Variants in ARHGAP24 observed in about 807,000 individuals in gnomAD.
ARHGAP24 encodes the protein rho GTPase-activating protein 24.
In ARHGAP24, 50 loss-of-function variants were observed where a neutral mutation model predicts 76.4. That is an observed-to-expected ratio of 0.65 (90% CI 0.52 to 0.83). ARHGAP24 has a LOEUF of 0.83. ARHGAP24 is among the 40% of genes least tolerant of loss of function. The pLI, the probability that ARHGAP24 is intolerant of heterozygous loss-of-function variation, is 0.00. For missense variants in ARHGAP24, 930 were observed against 914.2 expected, an observed-to-expected ratio of 1.02 and a Z score of -0.22; for synonymous variants, 345 against 323.3, an observed-to-expected ratio of 1.07 and a Z score of -0.72.
chr4:85,943,496 C>T (rs1273404535), intron 5 of ARHGAP24, among the ~76,000 whole-genome samples: 2 of 152,066 alleles, frequency 1.3e-5, no homozygotes, highest in African/African-American at 4.8e-5. Context: ...TTCTGGGATA[C>T]ATGAGCAGAA....
At chr4:85,529,282 C>G (rs1318724457) in intron 1 of ARHGAP24, among the ~76,000 whole-genome samples, 1 of 151,992 alleles carries the variant, frequency 6.6e-6, no homozygotes, top group Non-Finnish European at 1.5e-5. Context: ...TTGTGGCATG[C>G]TACTCCTAAG....
intron 2 of ARHGAP24, among the ~76,000 whole-genome samples, chr4:85,606,556 T>A (rs1256032692): frequency 6.6e-6 from 1 of 152,016 alleles, no homozygotes; most frequent in Non-Finnish European, 1.5e-5. Context: ...AAAGATTTTT[T>A]AAGATCGAAG....
intron 1 of ARHGAP24, among the ~76,000 whole-genome samples, chr4:85,500,880 C>G (rs370738087): frequency 2.6e-4 from 40 of 151,944 alleles, no homozygotes; most frequent in African/African-American, 7.7e-4. Flanking sequence ...TCCCACCCCC[C>G]CACCAACAGG....
chr4:85,660,794 CAAAAAA>C lies in ARHGAP24; in HGVS notation c.181-61073_181-61068del, dbSNP rs34228407. On this transcript the variant is annotated intron_variant, in intron 2 of 9. Coordinates refer to ENST00000395184, the MANE Select transcript of ARHGAP24 (RefSeq NM_001025616.3). ...CTGGTGACAGAGAGAGACTCCGTCTCAAAAAAAAAAAAAAAAAAAAAAATCTGTAGA... is the reference window on the plus strand; with the variant it reads ...CTGGTGACAGAGAGAGACTCCGTCTCAAAAAAAAAAAAAAAAATCTGTAGA... Among the ~76,000 whole-genome samples the C allele has an allele frequency of 1.7e-4, 10 of 59,436 alleles. 1 individual carries two copies. The highest frequency in any genetic ancestry group is 5.6e-4 in the Admixed American group (2 of 3,562). The allele number at this position is 59,436 out of a possible 152,430, so 39.0% of individuals were successfully genotyped here.
chr4:85,993,477 TATA>T (rs1368267908), intron 8 of ARHGAP24, among the ~76,000 whole-genome samples: 1 of 152,154 alleles, frequency 6.6e-6, no homozygotes, highest in African/African-American at 2.4e-5. Flanking sequence ...TATAAATGAA[TATA>T]ATATGTTTTT....
chr4:85,662,674 C>A (rs1326234949), intron 2 of ARHGAP24, among the ~76,000 whole-genome samples: 2 of 151,800 alleles, frequency 1.3e-5, no homozygotes, highest in East Asian at 3.9e-4. Flanking sequence ...GTCTTTAATC[C>A]ATCTTGAATT....
At chr4:85,668,472 G>A (rs1487671182) in intron 2 of ARHGAP24, among the ~76,000 whole-genome samples, 2 of 152,176 alleles carry the variant, frequency 1.3e-5, no homozygotes, top group Non-Finnish European at 2.9e-5. Context: ...TACAAAATTA[G>A]AGTGCATTTT....
chr4:85,943,022 C>T (rs528353266), intron 5 of ARHGAP24, among the ~76,000 whole-genome samples: 1 of 152,116 alleles, frequency 6.6e-6, no homozygotes, highest in Non-Finnish European at 1.5e-5. Flanking sequence ...CTTCTATAAG[C>T]CTCTTTTTAA....
intron 1 of ARHGAP24, among the ~76,000 whole-genome samples, chr4:85,516,613 CTT>C (rs5859978): frequency 6.8e-6 from 1 of 146,070 alleles, no homozygotes; most frequent in Admixed American, 6.8e-5. Flanking sequence ...TGTATTTCAT[CTT>C]TTTTTTTTCT....
intron 4 of ARHGAP24, among the ~76,000 whole-genome samples, chr4:85,940,412 A>G (rs1040846818): frequency 2.0e-5 from 3 of 151,956 alleles, no homozygotes; most frequent in Non-Finnish European, 2.9e-5. Context: ...GTGACTGACA[A>G]TTACAGATGT....
intron 3 of ARHGAP24, among the ~76,000 whole-genome samples, chr4:85,851,010 C>T (rs1201803967): frequency 3.3e-5 from 5 of 152,076 alleles, no homozygotes; most frequent in African/African-American, 1.2e-4. Flanking sequence ...TCCTTGTTAA[C>T]CTTCTGTCTC....
chr4:85,538,436 G>A (rs562523742), intron 1 of ARHGAP24, among the ~76,000 whole-genome samples: 43 of 151,932 alleles, frequency 2.8e-4, no homozygotes, highest in Non-Finnish European at 5.4e-4. Context: ...TGGCAATTTG[G>A]TGGGGTTCAA....
chr4:85,544,018 C>T, intron 1 of ARHGAP24, among the ~76,000 whole-genome samples: 1 of 152,158 alleles, frequency 6.6e-6, no homozygotes, highest in East Asian at 1.9e-4. Flanking sequence ...TTCCTTTACT[C>T]CACCATTCTC....
chr4:85,957,484 A>G (rs1429604781), intron 5 of ARHGAP24, among the ~76,000 whole-genome samples: 2 of 152,212 alleles, frequency 1.3e-5, no homozygotes, highest in Admixed American at 1.3e-4. Context: ...CCATTTTAAC[A>G]TGCCTCTTTT....
chr4:85,800,357 C>A (rs1728524737), intron 3 of ARHGAP24, among the ~76,000 whole-genome samples: 1 of 152,160 alleles, frequency 6.6e-6, no homozygotes, highest in Non-Finnish European at 1.5e-5. Context: ...TCCTCCAGCT[C>A]TTTGCTCTTG....
At chr4:85,668,600 T>A (rs78220055) in intron 2 of ARHGAP24, among the ~76,000 whole-genome samples, 4,462 of 152,278 alleles carry the variant, frequency 0.029, 202 homozygotes, top group African/African-American at 0.1. Flanking sequence ...GAGATGGAGT[T>A]AGGCAAAGAG....
chr4:85,540,084 T>G (rs887906706), intron 1 of ARHGAP24, among the ~76,000 whole-genome samples: 3 of 151,738 alleles, frequency 2.0e-5, no homozygotes, highest in Admixed American at 2.0e-4. Flanking sequence ...TAAATAAAAA[T>G]AAAAATAAAC....
At chr4:85,854,383 C>A (rs1731437497) in intron 3 of ARHGAP24, among the ~76,000 whole-genome samples, 1 of 152,106 alleles carries the variant, frequency 6.6e-6, no homozygotes, top group African/African-American at 2.4e-5. Flanking sequence ...TTTTATTTTT[C>A]ACCATGGTAA....
intron 3 of ARHGAP24, among the ~76,000 whole-genome samples, chr4:85,815,814 A>G (rs1392726200): frequency 1.3e-5 from 2 of 152,062 alleles, no homozygotes; most frequent in African/African-American, 2.4e-5. Context: ...GTATTAGTCC[A>G]TTTTCCCGCT....
Sources: allele counts gnomAD v4.1 joint callset (sites outside exome capture counted in the v4.1 genomes callset), GRCh38; gene constraint gnomAD v4.1.1; transcripts MANE v1.5; gene names NCBI Gene and HGNC (gene_info 2026-07-23, HGNC 2026-07-21).